The following TXNL4B variants were observed in gnomAD, a reference collection of about 807,000 sequenced individuals.
TXNL4B encodes the protein thioredoxin-like protein 4B.
A neutral mutation model predicts 13.0 loss-of-function variants in TXNL4B; 12 were observed. The ratio of observed to expected loss-of-function variants is 0.92; its 90% CI spans 0.59 to 1.49. The LOEUF is 1.49. TXNL4B is among the 40% of genes most tolerant of loss of function. The pLI is 0.00. For missense variants in TXNL4B, 214 were observed against 173.6 expected (o/e 1.23, Z -1.31); for synonymous variants, 59 against 58.9 (o/e 1.00, Z -0.01).
At position 72,086,808 on chromosome 16, in the gene TXNL4B, C is replaced by G; in HGVS notation, c.285-6G>C. ...ACTTAGTGTGATCTGGAGATCTAGA[C>G]AGCATAGAAGAGAAACAACTGCTCT... On this transcript the variant is annotated splice_region_variant and splice_polypyrimidine_tract_variant and intron_variant, in intron 3 of 3. Coordinates refer to ENST00000268483, the MANE Select transcript of TXNL4B (RefSeq NM_017853.3). The G allele has an allele frequency of 1.3e-6, 2 of 1,589,346 alleles. No individual in the cohort carries two copies. Among genetic ancestry groups the G allele is most frequent in the Non-Finnish European group, 1.7e-6 (2 of 1,161,850 alleles).
chr16:72,090,104 T>C (rs1480153842), intron 2 of TXNL4B: 3 of 455,928 alleles, frequency 6.6e-6, no homozygotes, highest in African/African-American at 4.0e-5. Flanking sequence ...ATGGTAGCAG[T>C]AGAAATGGCG....
intron 2 of TXNL4B, among the ~76,000 whole-genome samples, chr16:72,089,551 C>T (rs942573748): frequency 2.6e-5 from 4 of 152,186 alleles, no homozygotes; most frequent in African/African-American, 9.7e-5. Flanking sequence ...CATACAAATC[C>T]TTGGGGAAAA....
intron 2 of TXNL4B, 80 bp downstream of exon 2, chr16:72,090,538 C>A: frequency 6.9e-7 from 1 of 1,454,038 alleles, no homozygotes; most frequent in Non-Finnish European, 9.5e-7. Flanking sequence ...CTGACTACTC[C>A]CTCTCATGTA....
Position 72,086,625 on chromosome 16 carries a change from G to T in TXNL4B, c.*12C>A. ...TGTGCCTTCTTCTTCATCTTTGACA[G>T]CAATTAATGTACTAAATGTCTTGAT... On this transcript the variant is annotated 3_prime_UTR_variant, in exon 4 of 4. Transcript: ENST00000268483. The T allele has an allele frequency of 6.2e-7, 1 of 1,603,170 alleles. No individual in the cohort carries two copies. Among genetic ancestry groups the T allele is most frequent in the Non-Finnish European group, 8.5e-7 (1 of 1,171,228 alleles).
Position 72,086,742 on chromosome 16 carries a change from C to G in TXNL4B, c.345G>C (p.Leu115Phe). The change falls in exon 4 of 4, where the codon TTG becomes TTC. Residue 115 changes from leucine to phenylalanine, a missense_variant. Transcript: ENST00000268483. The part of the protein sequence containing the change: ...SFKTKQDFID[L>F]IEVIYRGAMR... Reference sequence around the variant, plus strand: ...TTGCTCCTCGATAGATTACTTCAATCAAATCTATGAAGTCTTGTTTGGTTT... The same window carrying G: ...TTGCTCCTCGATAGATTACTTCAATGAAATCTATGAAGTCTTGTTTGGTTT... The G allele has an allele frequency of 6.2e-7, 1 of 1,613,278 alleles. No individual in the cohort carries two copies. The highest frequency in any genetic ancestry group is 8.5e-7 in the Non-Finnish European group (1 of 1,179,314).
intron 1 of TXNL4B, among the ~76,000 whole-genome samples, chr16:72,091,299 G>A (rs1394218709): frequency 2.0e-5 from 3 of 152,276 alleles, no homozygotes; most frequent in East Asian, 3.9e-4. Context: ...GAATTGTGTG[G>A]CAGAAAGAGG....
At position 72,085,073 on chromosome 16, in the gene TXNL4B, C is replaced by A. The variant is rs370496265; in HGVS notation, c.*1564G>T. 47 of 398,554 alleles carry A rather than the reference C, an allele frequency of 1.2e-4. 2 individuals are homozygous for A. The highest frequency in any genetic ancestry group is 7.0e-4 in the Admixed American group (16 of 22,734). The allele number at this position is 398,554 out of a possible 1,614,324, so 24.7% of individuals were successfully genotyped here. On this transcript the variant is annotated 3_prime_UTR_variant, in exon 4 of 4. Coordinates refer to ENST00000268483, the MANE Select transcript of TXNL4B (RefSeq NM_017853.3). ...GACAGGAAGTGTACGATGGAAGAGG[C>A]CAGAGGTGATGGCCTCCTCCTCTCC... is the stretch of plus-strand genomic sequence containing the variant.
Position 72,085,049 on chromosome 16 carries a change from A to G in TXNL4B, c.*1588T>C, listed in dbSNP as rs1452880072. 2.5e-6 allele frequency: 1 copy of G among 398,426 alleles called. No individual in the cohort carries two copies. The highest frequency in any genetic ancestry group is 4.4e-6 in the Non-Finnish European group (1 of 226,066). 24.7% of individuals were successfully genotyped at this position (398,426 alleles called of 1,614,324 possible). ...TCCATGCATCATGATTAAACCAGAG[A>G]CAGGAAGTGTACGATGGAAGAGGCC... is the stretch of plus-strand genomic sequence containing the variant. On this transcript the variant is annotated 3_prime_UTR_variant, in exon 4 of 4. Coordinates refer to ENST00000268483, the MANE Select transcript of TXNL4B (RefSeq NM_017853.3).
chr16:72,087,115 A>C (rs1372607410), intron 3 of TXNL4B, among the ~76,000 whole-genome samples: 1 of 152,196 alleles, frequency 6.6e-6, no homozygotes, highest in East Asian at 1.9e-4. Context: ...GTTGGAGTGC[A>C]CATTGTTTCT....
chr16:72,091,645 C>T (rs1222536436), intron 1 of TXNL4B, among the ~76,000 whole-genome samples: 2 of 152,188 alleles, frequency 1.3e-5, no homozygotes, highest in Non-Finnish European at 2.9e-5. Flanking sequence ...TTATTTCTTG[C>T]ATGTGTTACA....
Position 72,086,341 on chromosome 16 carries a change from G to C in TXNL4B, c.*296C>G, listed in dbSNP as rs916939516. 3.6e-5 allele frequency: 9 copies of C among 251,146 alleles called. No individual in the cohort carries two copies. Among genetic ancestry groups the C allele is most frequent in the Non-Finnish European group, 7.0e-5 (9 of 129,182 alleles). The allele number at this position is 251,146 out of a possible 1,614,324, so 15.6% of individuals were successfully genotyped here. On this transcript the variant is annotated 3_prime_UTR_variant, in exon 4 of 4. Transcript: ENST00000268483. ...ACTAGCCAATGTTTGGGAGGGTTCT[G>C]TATTAAAGGGATAAAGAAAAACATT...
At chr16:72,093,092 T>C (rs1447097743) in intron 1 of TXNL4B, among the ~76,000 whole-genome samples, 1 of 152,060 alleles carries the variant, frequency 6.6e-6, no homozygotes, top group Non-Finnish European at 1.5e-5. Context: ...CGCCTCAGCC[T>C]CCCGAGTAGC....
chr16:72,088,230 C>A (rs2041852434), intron 3 of TXNL4B, among the ~76,000 whole-genome samples: 2 of 152,220 alleles, frequency 1.3e-5, no homozygotes, highest in South Asian at 4.1e-4. Flanking sequence ...TCCCAAAGTG[C>A]TGGGATTACA....
Position 72,089,150 on chromosome 16 carries a change from G to C in TXNL4B, c.133-12C>G. 6.2e-7 allele frequency: 1 copy of C among 1,602,224 alleles called. No individual in the cohort carries two copies. The highest frequency in any genetic ancestry group is 8.5e-7 in the Non-Finnish European group (1 of 1,171,956). On this transcript the variant is annotated splice_polypyrimidine_tract_variant and intron_variant, in intron 2 of 3. Transcript: ENST00000268483. Reference sequence around the variant, plus strand: ...GAGGTCTTAGAAAGCTGCAAATGACGAGAGAGACAAAGGTTACAATATGAG... The same window carrying C: ...GAGGTCTTAGAAAGCTGCAAATGACCAGAGAGACAAAGGTTACAATATGAG...
At chr16:72,093,787 G>A (rs1037530471), upstream of TXNL4B, 1 of 152,234 alleles carries the variant, frequency 6.6e-6, no homozygotes, top group Admixed American at 6.5e-5. Context: ...AAGGAGACTC[G>A]GAAGTGTCTG....
chr16:72,092,903 TA>T (rs1421089868), intron 1 of TXNL4B, among the ~76,000 whole-genome samples: 1 of 152,198 alleles, frequency 6.6e-6, no homozygotes, highest in Non-Finnish European at 1.5e-5. Flanking sequence ...AAGATAGTGG[TA>T]GGGGCAGGCA....
In TXNL4B at chr16:72,085,300, T is replaced by G. The variant is rs1262128211; in HGVS notation, c.*1337A>C. The G allele has an allele frequency of 3.3e-6, 1 of 306,952 alleles. No individual in the cohort carries two copies. The highest frequency in any genetic ancestry group is 5.9e-6 in the Non-Finnish European group (1 of 169,204). The allele number at this position is 306,952 out of a possible 1,614,324, so 19.0% of individuals were successfully genotyped here. On this transcript the variant is annotated 3_prime_UTR_variant, in exon 4 of 4. Transcript: ENST00000268483. Reference sequence around the variant, plus strand: ...GCTCTGAACAGGACTAGGCTTCTGTTGGAGAGGTGGTCAGCGGCTGCTAGG... The same window carrying G: ...GCTCTGAACAGGACTAGGCTTCTGTGGGAGAGGTGGTCAGCGGCTGCTAGG...
rs772324353 is a variant in TXNL4B at position 72,089,141 on chromosome 16, G to A, written c.133-3C>T. ...AAGTCAGAAGAGGTCTTAGAAAGCT[G>A]CAAATGACGAGAGAGACAAAGGTTA... On this transcript the variant is annotated splice_polypyrimidine_tract_variant and splice_region_variant and intron_variant, in intron 2 of 3. Coordinates refer to ENST00000268483, the MANE Select transcript of TXNL4B (RefSeq NM_017853.3). 1 of 1,604,482 alleles carries A rather than the reference G, an allele frequency of 6.2e-7. No homozygotes were observed. The highest frequency in any genetic ancestry group is 8.5e-7 in the Non-Finnish European group (1 of 1,174,090).
At chr16:72,088,951 CA>C in intron 3 of TXNL4B, 35 bp downstream of exon 3, 2 of 1,549,792 alleles carry the variant, frequency 1.3e-6, no homozygotes, top group Non-Finnish European at 1.8e-6. Flanking sequence ...AGGAAACTTA[CA>C]AGGTTGCAAT....
Sources: allele counts gnomAD v4.1 joint callset (sites outside exome capture counted in the v4.1 genomes callset), GRCh38; gene constraint gnomAD v4.1.1; transcripts MANE v1.5; gene names NCBI Gene and HGNC (gene_info 2026-07-23, HGNC 2026-07-21).